Variants in TRAPPC3L observed in about 807,000 individuals in gnomAD.
The protein encoded by TRAPPC3L is trafficking protein particle complex subunit 3L.
In TRAPPC3L, 23 loss-of-function variants were observed where a neutral mutation model predicts 23.7. The ratio of observed to expected loss-of-function variants is 0.97; its 90% confidence interval spans 0.70 to 1.37. The LOEUF (loss-of-function observed/expected upper bound fraction) is 1.37, where lower values mean the gene tolerates loss of function less well. Ranked by LOEUF, TRAPPC3L falls within the 40% of genes most tolerant of loss-of-function variation. TRAPPC3L has a pLI of 0.00. For missense variants in TRAPPC3L, 212 were observed against 216.8 expected, an observed-to-expected ratio of 0.98 and a Z score of 0.14; for synonymous variants, 81 against 77.9, an observed-to-expected ratio of 1.04 and a Z score of -0.21.
Position 116,540,419 on chromosome 6 carries a change from G to A in TRAPPC3L, c.184C>T (p.Arg62Ter), listed in dbSNP as rs765754172. 3.3e-5 allele frequency: 51 copies of A among 1,551,124 alleles called. No individual in the cohort carries two copies. The highest frequency in any genetic ancestry group is 1.7e-4 in the Middle Eastern group (1 of 6,014). ...CTATGGCATCTTCCCACGCAGGATCGAGCCAAAAAGTCTTCCACAAGCCGC... is the reference window on the plus strand; with the variant it reads ...CTATGGCATCTTCCCACGCAGGATCAAGCCAAAAAGTCTTCCACAAGCCGC... ...GTRLVEDFLA[R>*]SCVGRCHSYS... The change falls in exon 3 of 5, where the codon CGA becomes TGA. Residue 62 changes from arginine (R) to a stop codon, truncating the protein, a stop_gained. Coordinates refer to ENST00000368602, the MANE Select transcript of TRAPPC3L (RefSeq NM_001139444.3). LOFTEE classifies it high-confidence loss of function.
intron 1 of TRAPPC3L, among the ~76,000 whole-genome samples, chr6:116,544,847 C>T (rs1773677130): frequency 6.6e-6 from 1 of 151,936 alleles, no homozygotes; most frequent in Non-Finnish European, 1.5e-5. Flanking sequence ...ACATAATTAA[C>T]AGAATTTTAA....
intron 3 of TRAPPC3L, among the ~76,000 whole-genome samples, chr6:116,536,218 T>C (rs1025934271): frequency 6.6e-5 from 10 of 152,206 alleles, no homozygotes; most frequent in African/African-American, 2.2e-4. Context: ...GGAATGAGAC[T>C]TTATAATTAA....
intron 3 of TRAPPC3L, among the ~76,000 whole-genome samples, chr6:116,510,069 T>A (rs564051851): frequency 1.3e-5 from 2 of 152,140 alleles, no homozygotes; most frequent in East Asian, 3.9e-4. Flanking sequence ...AACAAACATA[T>A]GAAAAAATGC....
At chr6:116,512,857 G>A (rs974374139) in intron 3 of TRAPPC3L, among the ~76,000 whole-genome samples, 10 of 152,128 alleles carry the variant, frequency 6.6e-5, no homozygotes, top group Non-Finnish European at 1.5e-4. Flanking sequence ...ACTCTCTAGG[G>A]AGATTATGTT....
chr6:116,515,348 C>A (rs960614881), intron 3 of TRAPPC3L, among the ~76,000 whole-genome samples: 4 of 152,100 alleles, frequency 2.6e-5, no homozygotes, highest in African/African-American at 7.2e-5. Flanking sequence ...TATCTGCCTG[C>A]CTTCTGGTTA....
intron 3 of TRAPPC3L, among the ~76,000 whole-genome samples, chr6:116,502,328 A>C (rs1771930573): frequency 6.6e-6 from 1 of 152,242 alleles, no homozygotes; most frequent in African/African-American, 2.4e-5. Context: ...TTAGAGAAAA[A>C]AGGGTGAAAA....
intron 3 of TRAPPC3L, among the ~76,000 whole-genome samples, chr6:116,525,614 G>C (rs756475689): frequency 6.6e-6 from 1 of 152,114 alleles, no homozygotes; most frequent in African/African-American, 2.4e-5. Context: ...CAATGCCAGA[G>C]AGAAATCTTC....
At chr6:116,510,568 A>G (rs1035394221) in intron 3 of TRAPPC3L, among the ~76,000 whole-genome samples, 2 of 152,152 alleles carry the variant, frequency 1.3e-5, no homozygotes, top group Non-Finnish European at 2.9e-5. Context: ...GATTACAGAC[A>G]TGAACCACGG....
chr6:116,525,979 A>G (rs137927335), intron 3 of TRAPPC3L, among the ~76,000 whole-genome samples: 39 of 152,352 alleles, frequency 2.6e-4, no homozygotes, highest in African/African-American at 9.1e-4. Flanking sequence ...CATGAGGGAT[A>G]GTAATCAGTG....
At chr6:116,538,616 T>C (rs1056755663) in intron 3 of TRAPPC3L, among the ~76,000 whole-genome samples, 1 of 152,208 alleles carries the variant, frequency 6.6e-6, no homozygotes, top group African/African-American at 2.4e-5. Context: ...CAAAGCCTAA[T>C]AAACAACCTT....
At chr6:116,531,906 T>A (rs1349740415) in intron 3 of TRAPPC3L, among the ~76,000 whole-genome samples, 1 of 150,142 alleles carries the variant, frequency 6.7e-6, no homozygotes, top group Non-Finnish European at 1.5e-5. Context: ...TAAAATATAA[T>A]ATAATAAACA....
intron 3 of TRAPPC3L, chr6:116,517,719 G>A (rs1468305195): frequency 6.6e-6 from 1 of 152,154 alleles, no homozygotes; most frequent in Non-Finnish European, 1.5e-5. Flanking sequence ...CGAATGAGAT[G>A]ACTGATAGTT....
At chr6:116,502,440 G>A (rs1771932481) in intron 3 of TRAPPC3L, among the ~76,000 whole-genome samples, 2 of 152,332 alleles carry the variant, frequency 1.3e-5, no homozygotes, top group African/African-American at 4.8e-5. Flanking sequence ...AACCAAGTTA[G>A]AAAACACTCT....
chr6:116,512,190 C>CT, intron 3 of TRAPPC3L: 1 of 1,608,894 alleles, frequency 6.2e-7, no homozygotes, highest in South Asian at 1.1e-5. Flanking sequence ...AGCATGCTAC[C>CT]TACCGTCAAT....
intron 3 of TRAPPC3L, among the ~76,000 whole-genome samples, chr6:116,529,721 T>A (rs894532340): frequency 6.6e-6 from 1 of 152,172 alleles, no homozygotes; most frequent in African/African-American, 2.4e-5. Flanking sequence ...TGAGTCACTT[T>A]TTGAGAGGAC....
At chr6:116,542,924 TA>T (rs1773551945) in intron 2 of TRAPPC3L, among the ~76,000 whole-genome samples, 2 of 152,140 alleles carry the variant, frequency 1.3e-5, no homozygotes, top group African/African-American at 4.8e-5. Context: ...AGCATATATT[TA>T]TATTGGAAGC....
At chr6:116,511,911 G>A in intron 3 of TRAPPC3L, 1 of 1,614,028 alleles carries the variant, frequency 6.2e-7, no homozygotes, top group Non-Finnish European at 8.5e-7. Context: ...CTGAACAATA[G>A]GTCGTGGAGA....
In TRAPPC3L at chr6:116,543,930, T is replaced by A. The variant is rs181807536; in HGVS notation, c.43-530A>T. The A allele has an allele frequency of 1.1e-3, 1,389 of 1,275,344 alleles. 13 individuals are homozygous for A. The African/African-American group carries it at 0.018, about 17-fold the overall frequency. 79.0% of individuals were successfully genotyped at this position (1,275,344 alleles called of 1,614,324 possible). A position where few individuals can be genotyped will look rare whatever the true frequency, so the allele number is the denominator to read the frequency against. Reference sequence around the variant, plus strand: ...AGGGGAATGTGATATTTCCTTATAGTTCTCCAAAATATGTCCCATTTTTAG... The same window carrying A: ...AGGGGAATGTGATATTTCCTTATAGATCTCCAAAATATGTCCCATTTTTAG... On this transcript the variant is annotated intron_variant, in intron 1 of 4. Coordinates refer to ENST00000368602, the MANE Select transcript of TRAPPC3L (RefSeq NM_001139444.3).
chr6:116,545,118 C>T (rs914322424), intron 1 of TRAPPC3L, among the ~76,000 whole-genome samples: 12 of 149,868 alleles, frequency 8.0e-5, no homozygotes, highest in African/African-American at 2.7e-4. Flanking sequence ...TATATATATA[C>T]ATACATACAT....
Sources: allele counts gnomAD v4.1 joint callset (sites outside exome capture counted in the v4.1 genomes callset), GRCh38; gene constraint gnomAD v4.1.1; transcripts MANE v1.5; gene names NCBI Gene and HGNC (gene_info 2026-07-23, HGNC 2026-07-21).